NELL2: variants seen among roughly 807,000 people sequenced by gnomAD.
NELL2 encodes neural EGFL like 2.
A neutral mutation model predicts 109.6 loss-of-function variants in NELL2; 41 were observed. The observed-to-expected ratio is 0.37, with a 90% CI of 0.29 to 0.49. The LOEUF is 0.49. Among genes scored for constraint, NELL2 ranks in the 20% least tolerant of loss-of-function variants. The pLI, the probability that NELL2 is intolerant of heterozygous loss-of-function variation, is 0.98. For missense variants in NELL2, 900 were observed against 1,008.3 expected, an observed-to-expected ratio of 0.89 and a Z score of 1.45; for synonymous variants, 355 against 344.7, an observed-to-expected ratio of 1.03 and a Z score of -0.33.
intron 11 of NELL2, among the ~76,000 whole-genome samples, 156 bp downstream of exon 11, chr12:44,711,136 T>C (rs989310461): frequency 2.0e-4 from 30 of 152,122 alleles, no homozygotes; most frequent in African/African-American, 7.2e-4. Context: ...CATGACTACC[T>C]ACTGTGCTAC....
intron 2 of NELL2, among the ~76,000 whole-genome samples, chr12:44,833,679 C>G (rs1247653586): frequency 6.6e-6 from 1 of 152,112 alleles, no homozygotes; most frequent in African/African-American, 2.4e-5. Context: ...TAAGTTACTC[C>G]CCTTCCCTCC....
rs570110014 is a variant in NELL2 at position 44,708,737 on chromosome 12, G to T, written c.1189+2555C>A. 2.0e-5 allele frequency among the ~76,000 whole-genome samples: 3 copies of T among 152,238 alleles called. No homozygotes were observed. The East Asian group carries it at 5.8e-4, about 29-fold the overall frequency. ...AGTTTGAGGATTATCTAAGCCAGTGGTTCACAATCCTAGCTGTGAAAAATA... is the reference window on the plus strand; with the variant it reads ...AGTTTGAGGATTATCTAAGCCAGTGTTTCACAATCCTAGCTGTGAAAAATA... On this transcript the variant is annotated intron_variant, in intron 11 of 19. Transcript: ENST00000429094.
At chr12:44,623,683 C>T (rs547222437) in intron 13 of NELL2, among the ~76,000 whole-genome samples, 1 of 152,208 alleles carries the variant, frequency 6.6e-6, no homozygotes, top group Non-Finnish European at 1.5e-5. Context: ...ATTCTCTTTC[C>T]CTGGTGGTTT....
intron 2 of NELL2, among the ~76,000 whole-genome samples, chr12:44,825,120 G>A (rs1471037138): frequency 2.0e-5 from 3 of 152,090 alleles, no homozygotes; most frequent in African/African-American, 7.2e-5. Context: ...CAAATTTTAG[G>A]ATTGTTTCTT....
upstream of NELL2, among the ~76,000 whole-genome samples, chr12:44,916,768 A>G (rs746498713): frequency 6.6e-6 from 1 of 152,202 alleles, no homozygotes; most frequent in Admixed American, 6.5e-5. Context: ...CACCAGTACC[A>G]TAGAATCATA....
At chr12:44,874,470 CA>C (rs1398499687) in intron 2 of NELL2, among the ~76,000 whole-genome samples, 1 of 152,136 alleles carries the variant, frequency 6.6e-6, no homozygotes, top group African/African-American at 2.4e-5. Flanking sequence ...AGGTTTGCTG[CA>C]TTGGAATTTG....
At chr12:44,817,057 G>C (rs970060168) in intron 2 of NELL2, among the ~76,000 whole-genome samples, 1 of 152,226 alleles carries the variant, frequency 6.6e-6, no homozygotes, top group South Asian at 2.1e-4. Flanking sequence ...TAGATAAGTA[G>C]TTTTCAATGG....
intron 9 of NELL2, among the ~76,000 whole-genome samples, chr12:44,739,756 T>C (rs1199811118): frequency 1.4e-4 from 22 of 152,006 alleles, no homozygotes; most frequent in Non-Finnish European, 1.5e-5. Context: ...CTGGGTGTGG[T>C]GGCAGGCACC....
At chr12:44,572,138 A>G (rs1001196401) in intron 15 of NELL2, among the ~76,000 whole-genome samples, 2 of 151,838 alleles carry the variant, frequency 1.3e-5, no homozygotes, top group Admixed American at 6.6e-5. Flanking sequence ...AATTATTCAA[A>G]TGTTATTTAT....
At chr12:44,917,866 G>A (rs919431598), upstream of NELL2, among the ~76,000 whole-genome samples, 1 of 152,204 alleles carries the variant, frequency 6.6e-6, no homozygotes, top group African/African-American at 2.4e-5. Context: ...TCTAGGACCT[G>A]AGGGCAGCCT....
At chr12:44,673,163 G>C (rs1378030669) in intron 12 of NELL2, among the ~76,000 whole-genome samples, 1 of 152,138 alleles carries the variant, frequency 6.6e-6, no homozygotes, top group African/African-American at 2.4e-5. Flanking sequence ...TGCAGAGGAA[G>C]AACTCCCCAA....
chr12:44,857,595 A>G (rs1320603056), intron 2 of NELL2, among the ~76,000 whole-genome samples: 1 of 152,188 alleles, frequency 6.6e-6, no homozygotes, highest in Non-Finnish European at 1.5e-5. Flanking sequence ...GCCAGGTAAA[A>G]CAATTGTGTC....
At chr12:44,893,701 T>A (rs1945561904) in intron 1 of NELL2, among the ~76,000 whole-genome samples, 3 of 152,158 alleles carry the variant, frequency 2.0e-5, no homozygotes, top group Non-Finnish European at 2.9e-5. Context: ...GAAGCAAGCA[T>A]GACGGATGGG....
At chr12:44,750,282 T>A (rs977955498) in intron 9 of NELL2, among the ~76,000 whole-genome samples, 2 of 152,172 alleles carry the variant, frequency 1.3e-5, no homozygotes, top group African/African-American at 4.8e-5. Context: ...GAGAAGCCCA[T>A]AATTACCTAG....
At chr12:44,701,500 G>A (rs1949228257) in intron 12 of NELL2, among the ~76,000 whole-genome samples, 2 of 152,020 alleles carry the variant, frequency 1.3e-5, no homozygotes, top group Non-Finnish European at 2.9e-5. Flanking sequence ...CCAATTTTCA[G>A]TAAGCTGCAT....
intron 19 of NELL2, among the ~76,000 whole-genome samples, chr12:44,511,550 TG>T (rs1941003629): frequency 6.6e-6 from 1 of 151,934 alleles, no homozygotes; most frequent in Non-Finnish European, 1.5e-5. Context: ...GTTGTCAGAG[TG>T]GCTGGAAATT....
chr12:44,606,490 T>C (rs1945404815), intron 15 of NELL2, among the ~76,000 whole-genome samples: 1 of 152,170 alleles, frequency 6.6e-6, no homozygotes, highest in African/African-American at 2.4e-5. Flanking sequence ...ACTAGTATGA[T>C]TTTAATTAGG....
intron 15 of NELL2, among the ~76,000 whole-genome samples, chr12:44,542,061 C>A (rs528802808): frequency 1.1e-4 from 16 of 152,252 alleles, no homozygotes; most frequent in African/African-American, 3.8e-4. Context: ...ACAAGGATAA[C>A]ATAATGTCCC....
chr12:44,723,939 C>T lies in NELL2; in HGVS notation c.995-9198G>A, dbSNP rs146833212. ...CATTCTGTCAGAAAGACATATGCAC[C>T]TGAATGTTCACTGCAGCACTATTCA... On this transcript the variant is annotated intron_variant, in intron 9 of 19. Transcript: ENST00000429094. Among the ~76,000 whole-genome samples, 819 of 152,116 alleles carry T rather than the reference C, an allele frequency of 5.4e-3. 4 individuals carry two copies. Among genetic ancestry groups the T allele is most frequent in the Non-Finnish European group, 8.3e-3 (563 of 67,996 alleles).
Sources: allele counts gnomAD v4.1 joint callset (sites outside exome capture counted in the v4.1 genomes callset), GRCh38; gene constraint gnomAD v4.1.1; transcripts MANE v1.5; gene names NCBI Gene and HGNC (gene_info 2026-07-23, HGNC 2026-07-21).